CRACR2A: variants seen among roughly 807,000 people sequenced by gnomAD.
CRACR2A encodes the protein calcium release activated channel regulator 2A, also known as EF-hand calcium-binding domain-containing protein 4B.
A neutral mutation model predicts 90.5 loss-of-function variants in CRACR2A; 79 were observed. The ratio of observed to expected loss-of-function variants is 0.87; its 90% CI spans 0.73 to 1.05. CRACR2A has a LOEUF of 1.05. Ranked by LOEUF, CRACR2A falls within the 50% of genes least tolerant of loss-of-function variation. The pLI, the probability that CRACR2A is intolerant of heterozygous loss-of-function variation, is 0.00. For synonymous variants in CRACR2A, 338 were observed against 356.7 expected, an observed-to-expected ratio of 0.95 and a Z score of 0.59; for missense variants, 823 against 897.2, an observed-to-expected ratio of 0.92 and a Z score of 1.06.
At chr12:3,666,754 T>A (rs554497071) in intron 7 of CRACR2A, among the ~76,000 whole-genome samples, 5 of 152,358 alleles carry the variant, frequency 3.3e-5, no homozygotes, top group Non-Finnish European at 5.9e-5. Context: ...GTCAAAAGAT[T>A]TTTTTCCTGC....
At chr12:3,684,007 G>A (rs1377126674) in intron 4 of CRACR2A, among the ~76,000 whole-genome samples, 17 of 152,132 alleles carry the variant, frequency 1.1e-4, no homozygotes, top group Admixed American at 9.2e-4. Context: ...CCAGAGCCAC[G>A]GGAAAGTGAT....
At chr12:3,640,628 T>C (rs1591647840) in intron 13 of CRACR2A, 1 of 1,304,456 alleles carries the variant, frequency 7.7e-7, no homozygotes, top group Non-Finnish European at 1.0e-6. Context: ...GAATTCATGA[T>C]GATCAGGCCC....
intron 13 of CRACR2A, among the ~76,000 whole-genome samples, chr12:3,638,789 C>T (rs1293859129): frequency 6.6e-6 from 1 of 152,170 alleles, no homozygotes; most frequent in Non-Finnish European, 1.5e-5. Context: ...AATAATGACA[C>T]AAATAAATAC....
Position 3,733,973 on chromosome 12 carries a change from A to AT in CRACR2A, c.-386-764dup, listed in dbSNP as rs1166347439. ...TCCTAGACTGGACACATTTTGCCTT[A>AT]TTTTTTTTTTTTTTTGAGATGGAGT... On this transcript the variant is annotated intron_variant, in intron 1 of 19. Transcript: ENST00000440314. Among the ~76,000 whole-genome samples, 173 of 99,778 alleles carry AT rather than the reference A, an allele frequency of 1.7e-3. 15 individuals are homozygous for AT. Among genetic ancestry groups the AT allele is most frequent in the African/African-American group, 4.2e-3 (114 of 27,108 alleles). 65.5% of individuals were successfully genotyped at this position (99,778 alleles called of 152,430 possible). A position where few individuals can be genotyped will look rare whatever the true frequency, so the allele number is the denominator to read the frequency against.
intron 4 of CRACR2A, among the ~76,000 whole-genome samples, chr12:3,694,525 AG>A (rs966176452): frequency 6.6e-6 from 1 of 152,232 alleles, no homozygotes; most frequent in Admixed American, 6.5e-5. Flanking sequence ...CACCAACCAA[AG>A]GGGGTGACTG....
At chr12:3,741,605 A>G (rs1946526051) in intron 1 of CRACR2A, among the ~76,000 whole-genome samples, 1 of 151,884 alleles carries the variant, frequency 6.6e-6, no homozygotes, top group South Asian at 2.1e-4. Context: ...AGGCCCACAG[A>G]GAGCAAGTGG....
intron 15 of CRACR2A, among the ~76,000 whole-genome samples, chr12:3,628,137 C>T (rs536704780): frequency 6.7e-6 from 1 of 148,984 alleles, no homozygotes; most frequent in East Asian, 2.0e-4. Flanking sequence ...CTTCCTTCAC[C>T]CTTCCTCCCT....
intron 2 of CRACR2A, among the ~76,000 whole-genome samples, chr12:3,718,369 G>A (rs1565500285): frequency 6.6e-6 from 1 of 152,148 alleles, no homozygotes; most frequent in Non-Finnish European, 1.5e-5. Context: ...TGTGGAGCAG[G>A]CAGCATTCTC....
At chr12:3,679,672 G>T (rs866411281) in intron 5 of CRACR2A, among the ~76,000 whole-genome samples, 2 of 152,226 alleles carry the variant, frequency 1.3e-5, no homozygotes, top group African/African-American at 4.8e-5. Flanking sequence ...CACACATAAG[G>T]CAGATATATG....
rs1867701869 is a variant in CRACR2A at position 3,617,086 on chromosome 12, G to A, written c.2035-56C>T. The A allele has an allele frequency of 2.9e-6, 4 of 1,379,548 alleles. No individual in the cohort carries two copies. In the Admixed American group the frequency reaches 7.9e-5, roughly 27 times the overall value. 85.5% of individuals were successfully genotyped at this position (1,379,548 alleles called of 1,614,324 possible). A position where few individuals can be genotyped will look rare whatever the true frequency, so the allele number is the denominator to read the frequency against. Reference sequence around the variant, plus strand: ...GTATTGGAGTGAGAGGGGATTGTGGGGGGTGGTGGGAGAGCCCCCTTGTGC... The same window carrying A: ...GTATTGGAGTGAGAGGGGATTGTGGAGGGTGGTGGGAGAGCCCCCTTGTGC... On this transcript the variant is annotated intron_variant, in intron 18 of 19. Transcript: ENST00000440314.
intron 4 of CRACR2A, among the ~76,000 whole-genome samples, chr12:3,686,151 A>C (rs1335385507): frequency 1.3e-5 from 2 of 152,252 alleles, no homozygotes; most frequent in African/African-American, 4.8e-5. Context: ...TTGAGGATTA[A>C]AACCCAAGTT....
rs1395377766 is a variant in CRACR2A at position 3,638,123 on chromosome 12, C to T, written c.1602+1G>A. The T allele has an allele frequency of 1.3e-6, 2 of 1,541,264 alleles. No homozygotes were observed. Among genetic ancestry groups the T allele is most frequent in the African/African-American group, 2.7e-5 (2 of 72,748 alleles). ...TGAACCAAGGTAGGCTGTGCCCTTA[C>T]CTTACACAGGGCTTCTTTTCCAACA... On this transcript the variant is annotated splice_donor_variant, in intron 14 of 19. Transcript: ENST00000440314. LOFTEE classifies it high-confidence loss of function.
chr12:3,665,318 T>C (rs1264361606), intron 7 of CRACR2A, among the ~76,000 whole-genome samples: 2 of 152,220 alleles, frequency 1.3e-5, no homozygotes, highest in Non-Finnish European at 2.9e-5. Context: ...ACAGACCGTT[T>C]GCTGACACAG....
At chr12:3,732,370 C>A (rs1946373737) in intron 2 of CRACR2A, 1 of 152,246 alleles carries the variant, frequency 6.6e-6, no homozygotes, top group African/African-American at 2.4e-5. Flanking sequence ...CAGCCCTCAC[C>A]CACGACCAGC....
At chr12:3,615,774 T>C (rs1867667847) in intron 19 of CRACR2A, among the ~76,000 whole-genome samples, 1 of 152,208 alleles carries the variant, frequency 6.6e-6, no homozygotes, top group African/African-American at 2.4e-5. Flanking sequence ...AATGCGTGAC[T>C]TCCCTGGCTG....
chr12:3,677,442 C>G (rs1192317422), intron 6 of CRACR2A, among the ~76,000 whole-genome samples: 1 of 148,480 alleles, frequency 6.7e-6, no homozygotes, highest in African/African-American at 2.5e-5. Context: ...TTCTGCACTG[C>G]CTTACTATAG....
chr12:3,670,913 T>C (rs1471194764), intron 7 of CRACR2A, among the ~76,000 whole-genome samples: 1 of 152,168 alleles, frequency 6.6e-6, no homozygotes, highest in Non-Finnish European at 1.5e-5. Flanking sequence ...TGGGCCTTGA[T>C]CAGCTGACCC....
At chr12:3,643,814 TA>T (rs1299196875) in intron 12 of CRACR2A, among the ~76,000 whole-genome samples, 2 of 95,294 alleles carry the variant, frequency 2.1e-5, no homozygotes, top group Non-Finnish European at 4.1e-5. Context: ...ATTATATATA[TA>T]TTTATATTAT....
intron 1 of CRACR2A, among the ~76,000 whole-genome samples, chr12:3,743,621 C>T (rs539525988): frequency 1.3e-5 from 2 of 152,308 alleles, no homozygotes; most frequent in Admixed American, 6.5e-5. Flanking sequence ...CCTGTCTGAG[C>T]CTCAGTTTCC....
Sources: allele counts gnomAD v4.1 joint callset (sites outside exome capture counted in the v4.1 genomes callset), GRCh38; gene constraint gnomAD v4.1.1; transcripts MANE v1.5; gene names NCBI Gene and HGNC (gene_info 2026-07-23, HGNC 2026-07-21).